PCDHGB1: variants seen among roughly 807,000 people sequenced by gnomAD.
The protein encoded by PCDHGB1 is protocadherin gamma subfamily B, 1.
PCDHGB1 carries 34 observed loss-of-function variants against 56.6 expected under a neutral mutation model. The ratio of observed to expected loss-of-function variants is 0.60; its 90% CI spans 0.46 to 0.80. PCDHGB1 has a LOEUF of 0.80. PCDHGB1 is among the 30% of genes least tolerant of loss of function. PCDHGB1 has a pLI of 0.00. For missense variants in PCDHGB1, 1,278 were observed against 1,204.6 expected (o/e 1.06, Z -0.90); for synonymous variants, 561 against 505.9 (o/e 1.11, Z -1.46).
intron 1 of PCDHGB1, chr5:141,428,826 A>G (rs190740602): frequency 1.3e-5 from 2 of 149,304 alleles, no homozygotes; most frequent in South Asian, 2.1e-4. Context: ...GCTTTCATGT[A>G]TTTTTGAAAC....
chr5:141,395,179 A>T (rs1031739375), intron 1 of PCDHGB1: 2 of 1,614,164 alleles, frequency 1.2e-6, no homozygotes, highest in Non-Finnish European at 1.7e-6. Context: ...GAGAAAAATG[A>T]TTCTTTGTTA....
intron 1 of PCDHGB1, chr5:141,422,676 A>G (rs1245488589): frequency 1.2e-6 from 2 of 1,606,500 alleles, no homozygotes; most frequent in East Asian, 4.5e-5. Flanking sequence ...CGGACAGCAA[A>G]CAGAATGCCC....
chr5:141,380,676 T>TA (rs1776652796), intron 1 of PCDHGB1, among the ~76,000 whole-genome samples: 1 of 152,246 alleles, frequency 6.6e-6, no homozygotes, highest in Non-Finnish European at 1.5e-5. Flanking sequence ...ATAGGGTATG[T>TA]ATGCTTTGTG....
chr5:141,490,184 TC>T lies in PCDHGB1; in HGVS notation c.2410-4622del, dbSNP rs1293752541. The T allele has an allele frequency of 1.2e-6, 2 of 1,614,196 alleles. No individual in the cohort carries two copies. The highest frequency in any genetic ancestry group is 1.7e-6 in the Non-Finnish European group (2 of 1,180,030). On this transcript the variant is annotated intron_variant, in intron 1 of 3. Coordinates refer to ENST00000523390, the MANE Select transcript of PCDHGB1 (RefSeq NM_018922.3). This position sits in a 1 kb window ranked among gnomAD's most constrained non-coding sequence, Gnocchi z 5.4. The stretch of plus-strand genomic sequence containing the variant: ...CCCATAGACTTTGAGGAGTCACGTT[TC>T]TATGAAATTCATGCAAGAGCCCGTG...
At chr5:141,374,208 G>C in intron 1 of PCDHGB1, 1 of 1,613,952 alleles carries the variant, frequency 6.2e-7, no homozygotes, top group Non-Finnish European at 8.5e-7. Context: ...CTGGAGAAAG[G>C]CTCCTTCGTA....
At chr5:141,369,362 A>C (rs1389904751) in intron 1 of PCDHGB1, among the ~76,000 whole-genome samples, 1 of 152,158 alleles carries the variant, frequency 6.6e-6, no homozygotes, top group African/African-American at 2.4e-5. Flanking sequence ...GTATGAAAAA[A>C]CATCCTTTGT....
chr5:141,410,665 G>A, intron 1 of PCDHGB1: 1 of 1,569,394 alleles, frequency 6.4e-7, no homozygotes, highest in Non-Finnish European at 8.6e-7. Context: ...TAGTCTACTA[G>A]TTTCTCATAT....
chr5:141,408,974 G>C lies in PCDHGB1; in HGVS notation c.2409+56305G>C, dbSNP rs899313364. 8.7e-6 allele frequency: 14 copies of C among 1,613,690 alleles called. No individual in the cohort carries two copies. In the African/African-American group the frequency reaches 1.9e-4, roughly 22 times the overall value. On this transcript the variant is annotated intron_variant, in intron 1 of 3. Transcript: ENST00000523390. ...TAGTCTTAGTGAAAATCTGCCCCCT[G>C]GGTCCCCTGTGTTGCAAGTGACAGC...
At chr5:141,467,649 T>C (rs2099147987) in intron 1 of PCDHGB1, among the ~76,000 whole-genome samples, 1 of 152,146 alleles carries the variant, frequency 6.6e-6, no homozygotes, top group Non-Finnish European at 1.5e-5. Flanking sequence ...TGTACCAAAC[T>C]TCTATAGTGC....
At chr5:141,451,945 C>T (rs906800803) in intron 1 of PCDHGB1, among the ~76,000 whole-genome samples, 1 of 151,970 alleles carries the variant, frequency 6.6e-6, no homozygotes, top group Non-Finnish European at 1.5e-5. Flanking sequence ...AGGGAAAGAC[C>T]GAGAAAGTGA....
At position 141,366,076 on chromosome 5, in the gene PCDHGB1, A is replaced by G. The variant is rs774100476; in HGVS notation, c.2409+13407A>G. The G allele has an allele frequency of 7.4e-6, 12 of 1,614,128 alleles. No individual in the cohort carries two copies. In the East Asian group the frequency reaches 2.2e-4, roughly 30 times the overall value. The stretch of plus-strand genomic sequence containing the variant: ...GCGTGGAGCTGGCGCCTCGCTCCGC[A>G]GAACCTGGCTACCTGGTGACCAAGG... On this transcript the variant is annotated intron_variant, in intron 1 of 3. Coordinates refer to ENST00000523390, the MANE Select transcript of PCDHGB1 (RefSeq NM_018922.3).
intron 2 of PCDHGB1, among the ~76,000 whole-genome samples, chr5:141,497,671 C>T (rs1026356633): frequency 6.6e-5 from 10 of 151,878 alleles, no homozygotes; most frequent in African/African-American, 2.4e-4. Flanking sequence ...TCCCGAGTAG[C>T]TGGGACAGCA....
chr5:141,431,511 T>G lies in PCDHGB1; in HGVS notation c.2410-63296T>G, dbSNP rs1234369765. 6.2e-7 allele frequency: 1 copy of G among 1,614,018 alleles called. No individual in the cohort carries two copies. On this transcript the variant is annotated intron_variant, in intron 1 of 3. Transcript: ENST00000523390. The surrounding 1 kb of genome is among the most constrained non-coding windows in gnomAD (Gnocchi z 4.8). ...GCTCAGCCCGAGTACCGCGCGAGCGTTCCGGAGAATCTGGCCTTGGGCACG... is the reference window on the plus strand; with the variant it reads ...GCTCAGCCCGAGTACCGCGCGAGCGGTCCGGAGAATCTGGCCTTGGGCACG...
intron 1 of PCDHGB1, chr5:141,394,008 G>A: frequency 1.2e-6 from 2 of 1,613,330 alleles, no homozygotes; most frequent in South Asian, 2.2e-5. Context: ...AAAGTCAATA[G>A]GTAATTATTA....
At chr5:141,434,240 T>A (rs979144259) in intron 1 of PCDHGB1, among the ~76,000 whole-genome samples, 1 of 152,336 alleles carries the variant, frequency 6.6e-6, no homozygotes, top group East Asian at 1.9e-4. Flanking sequence ...CTGGACTAGA[T>A]GACTTGGGCA....
chr5:141,429,651 C>G (rs62379161), intron 1 of PCDHGB1, among the ~76,000 whole-genome samples: 5,146 of 152,188 alleles, frequency 0.034, 101 homozygotes, highest in Middle Eastern at 0.088. Context: ...TATTTCTTCC[C>G]AATTTAAAAT....
intron 1 of PCDHGB1, among the ~76,000 whole-genome samples, chr5:141,488,738 A>G (rs1462948813): frequency 1.3e-5 from 2 of 152,222 alleles, no homozygotes; most frequent in Non-Finnish European, 2.9e-5. Context: ...TTCTGAAGTC[A>G]TGCAGGAAGT....
intron 1 of PCDHGB1, chr5:141,366,320 G>A: frequency 4.3e-6 from 7 of 1,613,788 alleles, no homozygotes; most frequent in East Asian, 2.2e-5. Flanking sequence ...CACCGTTGCC[G>A]TGGCCGACAG....
chr5:141,475,542 G>A (rs1182059354), intron 1 of PCDHGB1, among the ~76,000 whole-genome samples: 1 of 152,174 alleles, frequency 6.6e-6, no homozygotes, highest in East Asian at 1.9e-4. Flanking sequence ...TTACAAGTAG[G>A]GTCCGGCTAA....
Sources: gnomAD v4.1 joint callset for allele counts (sites outside exome capture counted in the v4.1 genomes callset) on GRCh38, gnomAD v4.1.1 for gene constraint, Gnocchi (gnomAD v3.1) non-coding constraint, MANE v1.5 for transcripts, NCBI Gene and HGNC (gene_info 2026-07-23, HGNC 2026-07-21) for gene names.